Variants in DPP6 observed in about 807,000 individuals in gnomAD.
DPP6 encodes A-type potassium channel modulatory protein DPP6.
DPP6 carries 69 observed loss-of-function variants against 122.6 expected under a neutral mutation model. The ratio of observed to expected loss-of-function variants is 0.56; its 90% CI spans 0.46 to 0.69. The LOEUF (loss-of-function observed/expected upper bound fraction) is 0.69. Among genes scored for constraint, DPP6 ranks in the 30% least tolerant of loss-of-function variants. The pLI is 0.00. For missense variants in DPP6, 928 were observed against 1,116.9 expected, an observed-to-expected ratio of 0.83 and a Z score of 2.41; for synonymous variants, 418 against 433.1, an observed-to-expected ratio of 0.97 and a Z score of 0.43.
At chr7:154,331,168 G>C (rs1266822824) in intron 1 of DPP6, among the ~76,000 whole-genome samples, 1 of 152,144 alleles carries the variant, frequency 6.6e-6, no homozygotes, top group Non-Finnish European at 1.5e-5. Context: ...GTACTCTAGG[G>C]ATACTGTGTA....
intron 1 of DPP6, among the ~76,000 whole-genome samples, chr7:154,372,469 G>A (rs1812759031): frequency 6.6e-6 from 1 of 152,148 alleles, no homozygotes; most frequent in Admixed American, 6.5e-5. Flanking sequence ...GCCGTGCGTG[G>A]GCAGTCACTT....
At chr7:153,797,061 C>T in the DPP6 span, among the ~76,000 whole-genome samples, 2 of 152,176 alleles carry the variant, frequency 1.3e-5, no homozygotes, top group African/African-American at 4.8e-5. Context: ...GTGTATGACA[C>T]CAACTGCCAA....
chr7:154,371,378 C>CAAAAAAAAAAAA (rs1167770083), intron 1 of DPP6, among the ~76,000 whole-genome samples: 56 of 47,690 alleles, frequency 1.2e-3, no homozygotes, highest in Non-Finnish European at 1.4e-3. Flanking sequence ...AACTCTGTCT[C>CAAAAAAAAAAAA]AAAAAAAAAA....
chr7:154,515,006 T>C (rs1347923882), intron 3 of DPP6, among the ~76,000 whole-genome samples: 1 of 152,168 alleles, frequency 6.6e-6, no homozygotes, highest in Non-Finnish European at 1.5e-5. Context: ...CCATCCCAAA[T>C]AGTGGATGAG....
intron 3 of DPP6, among the ~76,000 whole-genome samples, chr7:154,513,788 C>A (rs1480315635): frequency 6.6e-6 from 1 of 152,164 alleles, no homozygotes; most frequent in African/African-American, 2.4e-5. Flanking sequence ...ATCCTAGGAA[C>A]AACTGTCCAA....
chr7:154,619,635 T>C (rs1834507409), intron 5 of DPP6, among the ~76,000 whole-genome samples: 1 of 152,148 alleles, frequency 6.6e-6, no homozygotes, highest in Admixed American at 6.6e-5. Context: ...CCTTCAGGGA[T>C]GGAATTGACA....
intron 16 of DPP6, among the ~76,000 whole-genome samples, chr7:154,844,668 G>A (rs61007782): frequency 0.028 from 4,318 of 152,240 alleles, 207 homozygotes; most frequent in African/African-American, 0.098. Flanking sequence ...CAGAGAAACC[G>A]GATGCGAAGG....
chr7:154,345,348 G>T (rs1563518040), intron 1 of DPP6, among the ~76,000 whole-genome samples: 1 of 152,282 alleles, frequency 6.6e-6, no homozygotes, highest in Admixed American at 6.5e-5. Flanking sequence ...TTTCAGCATG[G>T]AATTGAGGGG....
At chr7:154,707,012 C>CT (rs1422715975) in intron 7 of DPP6, among the ~76,000 whole-genome samples, 13 of 152,282 alleles carry the variant, frequency 8.5e-5, no homozygotes, top group African/African-American at 3.1e-4. Context: ...AAGCATTTCT[C>CT]TTTCTTGGCA....
upstream of DPP6, among the ~76,000 whole-genome samples, chr7:154,051,493 G>T (rs1215450921): frequency 4.7e-5 from 7 of 149,776 alleles, no homozygotes; most frequent in South Asian, 4.3e-4. Context: ...CGGAGGAGCG[G>T]AGCCCGCTGG....
At chr7:154,671,061 T>C (rs1838521799) in intron 7 of DPP6, among the ~76,000 whole-genome samples, 1 of 152,102 alleles carries the variant, frequency 6.6e-6, no homozygotes, top group African/African-American at 2.4e-5. Context: ...AGAGACAAAA[T>C]TTGTCTTTTC....
chr7:154,872,317 C>T (rs749165141), intron 18 of DPP6, among the ~76,000 whole-genome samples: 2 of 152,280 alleles, frequency 1.3e-5, no homozygotes, highest in Non-Finnish European at 2.9e-5. Context: ...CCATATTTCC[C>T]TGCCTGAAAT....
chr7:153,816,635 G>A, the DPP6 span, among the ~76,000 whole-genome samples: 2 of 152,148 alleles, frequency 1.3e-5, no homozygotes, highest in Admixed American at 6.5e-5. Context: ...AAGCAAAGGA[G>A]GAAGCCACAG....
At chr7:153,773,264 C>CATGTGTGTGT in the DPP6 span, among the ~76,000 whole-genome samples, 15 of 132,458 alleles carry the variant, frequency 1.1e-4, no homozygotes, top group African/African-American at 4.1e-4. Flanking sequence ...TCTTTTCTTT[C>CATGTGTGTGT]GTGTGTGTGT....
chr7:154,122,106 G>A (rs1585421345), intron 1 of DPP6, among the ~76,000 whole-genome samples: 1 of 152,218 alleles, frequency 6.6e-6, no homozygotes, highest in Admixed American at 6.5e-5. Context: ...CACAGCTTTA[G>A]AAACAATGGA....
Position 154,892,489 on chromosome 7 carries a change from C to G in DPP6, c.*9C>G. The G allele has an allele frequency of 1.2e-6, 2 of 1,613,632 alleles. No individual in the cohort carries two copies. The highest frequency in any genetic ancestry group is 1.7e-6 in the Non-Finnish European group (2 of 1,179,728). On this transcript the variant is annotated 3_prime_UTR_variant, in exon 26 of 26. Coordinates refer to ENST00000377770, the MANE Select transcript of DPP6 (RefSeq NM_130797.4). ...ACGAGGAGGAGGACTAAGCTCAGGTCGCTCTAAGCACAAACGTGGCTCTTT... is the reference window on the plus strand; with the variant it reads ...ACGAGGAGGAGGACTAAGCTCAGGTGGCTCTAAGCACAAACGTGGCTCTTT...
intron 8 of DPP6, among the ~76,000 whole-genome samples, chr7:154,765,971 T>C (rs554255005): frequency 6.6e-6 from 1 of 152,346 alleles, no homozygotes; most frequent in Admixed American, 6.5e-5. Flanking sequence ...AGAAAAATGT[T>C]TGCAGAATAG....
At chr7:154,710,873 C>T (rs1841134907) in intron 7 of DPP6, among the ~76,000 whole-genome samples, 1 of 152,238 alleles carries the variant, frequency 6.6e-6, no homozygotes, top group Admixed American at 6.5e-5. Context: ...CATTGCTAAA[C>T]CAATGGGGAT....
rs746391768 is a variant in DPP6 at position 154,052,891 on chromosome 7, C to T, written c.71C>T (p.Ala24Val). The change falls in exon 1 of 26, where the codon GCG becomes GTG. Residue 24 changes from alanine (A) to valine (V), a missense_variant. Coordinates refer to ENST00000377770, the MANE Select transcript of DPP6 (RefSeq NM_130797.4). The surrounding 1 kb of genome is among the most constrained non-coding windows in gnomAD (Gnocchi z 4.8). ...TSRSFPAPPEASHLLGGQGPE... is the reference protein window; with the variant it reads ...TSRSFPAPPEVSHLLGGQGPE... The stretch of plus-strand genomic sequence containing the variant: ...AGGTCCTTCCCCGCGCCCCCGGAGG[C>T]GAGTCACCTCCTGGGCGGCCAGGGG... 2.7e-5 allele frequency: 41 copies of T among 1,528,726 alleles called. No homozygotes were observed. In the South Asian group the frequency reaches 4.2e-4, roughly 16 times the overall value. The allele number at this position is 1,528,726 out of a possible 1,614,324, so 94.7% of individuals were successfully genotyped here.
Sources: gnomAD v4.1 joint callset for allele counts (sites outside exome capture counted in the v4.1 genomes callset) on GRCh38, gnomAD v4.1.1 for gene constraint, Gnocchi (gnomAD v3.1) non-coding constraint, MANE v1.5 for transcripts, NCBI Gene and HGNC (gene_info 2026-07-23, HGNC 2026-07-21) for gene names.